Variants in ST6GALNAC3 observed in about 807,000 individuals in gnomAD.
The protein encoded by ST6GALNAC3 is alpha-N-acetylgalactosaminide alpha-2,6-sialyltransferase 3.
ST6GALNAC3 carries 25 observed loss-of-function variants against 32.7 expected under a neutral mutation model. The ratio of observed to expected loss-of-function variants is 0.76; its 90% CI spans 0.56 to 1.07. The LOEUF is 1.07. Ranked by LOEUF, ST6GALNAC3 falls within the 50% of genes least tolerant of loss-of-function variation. The pLI is 0.00. For synonymous variants in ST6GALNAC3, 129 were observed against 133.1 expected (o/e 0.97, Z 0.21); for missense variants, 355 against 382.4 (o/e 0.93, Z 0.60).
intron 1 of ST6GALNAC3, among the ~76,000 whole-genome samples, chr1:76,099,351 C>T (rs1198960046): frequency 1.3e-5 from 2 of 152,080 alleles, no homozygotes; most frequent in Non-Finnish European, 2.9e-5. Flanking sequence ...AAAAATTCCA[C>T]TTCTAGGTAT....
At chr1:76,310,972 G>C (rs775992822) in intron 1 of ST6GALNAC3, among the ~76,000 whole-genome samples, 2 of 152,054 alleles carry the variant, frequency 1.3e-5, no homozygotes, top group Non-Finnish European at 2.9e-5. Context: ...CTTCTGATAT[G>C]ACCCATAATA....
chr1:76,295,395 G>A (rs550893407), intron 1 of ST6GALNAC3, among the ~76,000 whole-genome samples: 26 of 152,120 alleles, frequency 1.7e-4, no homozygotes, highest in African/African-American at 6.3e-4. Flanking sequence ...AAAAGGCAGG[G>A]TGTTAGAATC....
At chr1:76,399,345 C>A (rs1415748139) in intron 2 of ST6GALNAC3, among the ~76,000 whole-genome samples, 1 of 152,108 alleles carries the variant, frequency 6.6e-6, no homozygotes, top group Non-Finnish European at 1.5e-5. Context: ...TCACCTAGAA[C>A]TGAAATTTGT....
At chr1:76,167,355 G>C (rs963031262) in intron 1 of ST6GALNAC3, among the ~76,000 whole-genome samples, 7 of 152,182 alleles carry the variant, frequency 4.6e-5, no homozygotes, top group African/African-American at 1.7e-4. Context: ...AAGCCTATTT[G>C]ATTGTGGTAG....
chr1:76,368,521 G>A (rs1318288682), intron 2 of ST6GALNAC3, among the ~76,000 whole-genome samples: 2 of 151,290 alleles, frequency 1.3e-5, no homozygotes, highest in Non-Finnish European at 2.9e-5. Context: ...CTGATTTCTG[G>A]TTGTCTGGAG....
chr1:76,408,888 A>G (rs2101273381), intron 2 of ST6GALNAC3, among the ~76,000 whole-genome samples: 1 of 152,212 alleles, frequency 6.6e-6, no homozygotes, highest in African/African-American at 2.4e-5. Flanking sequence ...TCTTGGTGAT[A>G]AGTTGGAGTA....
chr1:76,626,271 T>G (rs1648962003), intron 3 of ST6GALNAC3, among the ~76,000 whole-genome samples: 1 of 151,906 alleles, frequency 6.6e-6, no homozygotes, highest in Non-Finnish European at 1.5e-5. Context: ...GCTGTGCTCC[T>G]GTAGGCCAAG....
At chr1:76,293,803 T>TA in intron 1 of ST6GALNAC3, among the ~76,000 whole-genome samples, 1 of 152,286 alleles carries the variant, frequency 6.6e-6, no homozygotes, top group South Asian at 2.1e-4. Context: ...TATAAAGCTT[T>TA]AAAACAGGCT....
At chr1:76,449,332 G>A (rs977481645) in intron 3 of ST6GALNAC3, among the ~76,000 whole-genome samples, 4 of 152,134 alleles carry the variant, frequency 2.6e-5, no homozygotes, top group Admixed American at 6.5e-5. Flanking sequence ...ATACTGAAGG[G>A]CATCTTGTTT....
intron 2 of ST6GALNAC3, among the ~76,000 whole-genome samples, chr1:76,319,697 T>C (rs983629138): frequency 6.6e-6 from 1 of 152,212 alleles, no homozygotes; most frequent in African/African-American, 2.4e-5. Flanking sequence ...TTAATTAAAA[T>C]CCGAACATTC....
At chr1:76,374,941 A>G (rs1322021272) in intron 2 of ST6GALNAC3, among the ~76,000 whole-genome samples, 1 of 152,174 alleles carries the variant, frequency 6.6e-6, no homozygotes, top group African/African-American at 2.4e-5. Flanking sequence ...GCATTTGGAT[A>G]TGGTCCTCTT....
At position 76,289,739 on chromosome 1, in the gene ST6GALNAC3, G is replaced by A. The variant is rs115952755; in HGVS notation, c.19-24066G>A. On this transcript the variant is annotated intron_variant, in intron 1 of 4. Coordinates refer to ENST00000328299, the MANE Select transcript of ST6GALNAC3 (RefSeq NM_152996.4). ...ACTTGGAGGCCCGTAACCAATAGAG[G>A]GTTTAATCAACAGGCTTTTTACCTA... 2.6e-3 allele frequency among the ~76,000 whole-genome samples: 403 copies of A among 152,312 alleles called. 2 individuals are homozygous for A. Among genetic ancestry groups the A allele is most frequent in the African/African-American group, 9.5e-3 (396 of 41,574 alleles).
intron 2 of ST6GALNAC3, among the ~76,000 whole-genome samples, chr1:76,355,985 G>A (rs1165732322): frequency 6.6e-6 from 1 of 152,080 alleles, no homozygotes; most frequent in Admixed American, 6.5e-5. Context: ...ATATTATGGA[G>A]CAAAGTGATA....
chr1:76,604,146 A>G (rs1016878456), intron 3 of ST6GALNAC3, among the ~76,000 whole-genome samples: 3 of 152,194 alleles, frequency 2.0e-5, no homozygotes, highest in African/African-American at 7.2e-5. Flanking sequence ...TTCATTTTTA[A>G]TAGGTAAGAA....
intron 1 of ST6GALNAC3, among the ~76,000 whole-genome samples, chr1:76,157,659 A>T (rs370908): frequency 0.14 from 21,768 of 152,114 alleles, 1,777 homozygotes; most frequent in Non-Finnish European, 0.19. Flanking sequence ...TGATTTTTTT[A>T]AAGTTTATAT....
chr1:76,111,121 T>G (rs559912724), intron 1 of ST6GALNAC3, among the ~76,000 whole-genome samples: 1 of 152,346 alleles, frequency 6.6e-6, no homozygotes, highest in Admixed American at 6.5e-5. Context: ...TTTAGTTTAC[T>G]GTGTGTTTTG....
chr1:76,563,942 G>A (rs1228053732), intron 3 of ST6GALNAC3, among the ~76,000 whole-genome samples: 2 of 152,156 alleles, frequency 1.3e-5, no homozygotes, highest in Non-Finnish European at 2.9e-5. Flanking sequence ...TTATGTACAA[G>A]AAGGATCCAT....
intron 3 of ST6GALNAC3, among the ~76,000 whole-genome samples, chr1:76,537,959 A>C (rs1663729061): frequency 6.6e-6 from 1 of 152,198 alleles, no homozygotes; most frequent in Non-Finnish European, 1.5e-5. Context: ...AGCTGGTACC[A>C]TTCCTTCTGA....
chr1:76,385,656 A>T (rs537561786), intron 2 of ST6GALNAC3, among the ~76,000 whole-genome samples: 46 of 152,182 alleles, frequency 3.0e-4, no homozygotes, highest in African/African-American at 1.1e-3. Flanking sequence ...ATCATTCCTT[A>T]TATTTGTTTT....
Sources: gnomAD v4.1 joint callset for allele counts (sites outside exome capture counted in the v4.1 genomes callset) on GRCh38, gnomAD v4.1.1 for gene constraint, MANE v1.5 for transcripts, NCBI Gene and HGNC (gene_info 2026-07-23, HGNC 2026-07-21) for gene names.